Variants in LPP observed in about 807,000 individuals in gnomAD.
LPP encodes LIM domain containing preferred translocation partner in lipoma.
In LPP, 38 loss-of-function variants were observed where a neutral mutation model predicts 60.4. The ratio of observed to expected loss-of-function variants is 0.63; its 90% CI spans 0.49 to 0.83. The LOEUF (loss-of-function observed/expected upper bound fraction) is 0.83. Ranked by LOEUF, LPP falls within the 40% of genes least tolerant of loss-of-function variation. LPP has a pLI of 0.00. For missense variants in LPP, 902 were observed against 783.6 expected (o/e 1.15, Z -1.80); for synonymous variants, 328 against 290.8 (o/e 1.13, Z -1.30).
At chr3:188,471,727 G>T (rs73052744) in intron 4 of LPP, among the ~76,000 whole-genome samples, 2,488 of 152,208 alleles carry the variant, frequency 0.016, 71 homozygotes, top group African/African-American at 0.056. Flanking sequence ...CAATTATTCT[G>T]GGTCTTATTT....
chr3:188,680,997 T>C (rs1481353857), intron 7 of LPP, among the ~76,000 whole-genome samples: 3 of 147,970 alleles, frequency 2.0e-5, no homozygotes, highest in Admixed American at 6.8e-5. Flanking sequence ...GCATTTCCTT[T>C]TTTTTTTTTT....
At chr3:188,497,843 T>C (rs1032687290) in intron 5 of LPP, among the ~76,000 whole-genome samples, 16 of 152,214 alleles carry the variant, frequency 1.1e-4, no homozygotes, top group Admixed American at 2.0e-4. Context: ...AGTGTCACTT[T>C]AGTAATTCTC....
At chr3:188,827,572 T>G (rs1755912549) in intron 9 of LPP, among the ~76,000 whole-genome samples, 1 of 152,070 alleles carries the variant, frequency 6.6e-6, no homozygotes, top group Non-Finnish European at 1.5e-5. Context: ...TTGGCAGCAT[T>G]AAAGAAGTGG....
intron 4 of LPP, among the ~76,000 whole-genome samples, chr3:188,426,980 T>A (rs116326342): frequency 2.9e-4 from 44 of 152,302 alleles, no homozygotes; most frequent in African/African-American, 1.0e-3. Flanking sequence ...ATGTGTGAAT[T>A]TTTTCCTGTC....
chr3:188,597,217 G>A (rs774935180), intron 6 of LPP, among the ~76,000 whole-genome samples: 5 of 152,106 alleles, frequency 3.3e-5, no homozygotes, highest in African/African-American at 9.7e-5. Flanking sequence ...CATTTCTTAC[G>A]CCCTACAGTT....
intron 1 of LPP, among the ~76,000 whole-genome samples, chr3:188,183,038 T>A (rs1167496938): frequency 6.6e-6 from 1 of 152,082 alleles, no homozygotes; most frequent in Non-Finnish European, 1.5e-5. Flanking sequence ...CAAGGTCACA[T>A]AAATTTAATA....
At chr3:188,753,902 AT>A in intron 8 of LPP, among the ~76,000 whole-genome samples, 1 of 152,266 alleles carries the variant, frequency 6.6e-6, no homozygotes, top group Middle Eastern at 3.4e-3. Context: ...AGAATCAGAT[AT>A]ACACAAGCAC....
intron 9 of LPP, among the ~76,000 whole-genome samples, chr3:188,779,899 A>C (rs935166169): frequency 1.3e-5 from 2 of 152,070 alleles, no homozygotes; most frequent in African/African-American, 2.4e-5. Flanking sequence ...TAGTTCCTTC[A>C]TCCATTTCCA....
intron 9 of LPP, among the ~76,000 whole-genome samples, chr3:188,815,275 CTT>C (rs1752157972): frequency 6.6e-6 from 1 of 152,174 alleles, no homozygotes. Flanking sequence ...ACCTGGATAA[CTT>C]TTCTGGCATT....
At chr3:188,462,903 T>TTG (rs1799493105) in intron 4 of LPP, among the ~76,000 whole-genome samples, 2 of 151,888 alleles carry the variant, frequency 1.3e-5, no homozygotes, top group Non-Finnish European at 2.9e-5. Context: ...GGTCAGGAAT[T>TTG]TGTGACCAAC....
chr3:188,681,586 T>A (rs1364487531), intron 7 of LPP, among the ~76,000 whole-genome samples: 1 of 152,124 alleles, frequency 6.6e-6, no homozygotes, highest in Non-Finnish European at 1.5e-5. Context: ...ATTTATCAGA[T>A]TCCCTTAAGA....
intron 5 of LPP, among the ~76,000 whole-genome samples, chr3:188,500,984 T>C (rs1811667168): frequency 6.6e-6 from 1 of 152,126 alleles, no homozygotes; most frequent in Non-Finnish European, 1.5e-5. Flanking sequence ...TTTGTTGATC[T>C]TTTTTAAGAA....
chr3:188,799,376 T>C (rs746969286), intron 9 of LPP, among the ~76,000 whole-genome samples: 82 of 152,206 alleles, frequency 5.4e-4, no homozygotes, highest in Non-Finnish European at 1.0e-3. Flanking sequence ...GTTATGGACT[T>C]GTATGCTGAC....
intron 2 of LPP, among the ~76,000 whole-genome samples, chr3:188,238,892 T>C (rs1722840685): frequency 6.6e-6 from 1 of 152,168 alleles, no homozygotes; most frequent in Admixed American, 6.5e-5. Flanking sequence ...CTTCTATTTG[T>C]AAAAAACACA....
chr3:188,760,243 T>C lies in LPP; in HGVS notation c.1371T>C (p.Tyr457=), dbSNP rs767841213. 1.9e-6 allele frequency: 3 copies of C among 1,614,214 alleles called. No individual in the cohort carries two copies. The highest frequency in any genetic ancestry group is 2.5e-6 in the Non-Finnish European group (3 of 1,180,030). Residue 457 remains tyrosine (Y), a synonymous_variant, in exon 9 of 12, where the codon TAT becomes TAC. Coordinates refer to ENST00000617246, the MANE Select transcript of LPP (RefSeq NM_001375462.1). The part of the protein sequence containing the change: ...CNNKLRGQPF[Y]AVEKKAYCEP... ...ACAAGCTCCGAGGGCAGCCATTCTA[T>C]GCTGTGGAAAAGAAAGCATACTGCG...
intron 3 of LPP, among the ~76,000 whole-genome samples, chr3:188,347,123 A>G (rs988397501): frequency 3.3e-5 from 5 of 152,328 alleles, no homozygotes; most frequent in East Asian, 1.9e-4. Context: ...TAATAAATAT[A>G]AAATCTGGAT....
chr3:188,663,070 G>A (rs1405875320), intron 7 of LPP, among the ~76,000 whole-genome samples: 1 of 152,178 alleles, frequency 6.6e-6, no homozygotes, highest in African/African-American at 2.4e-5. Context: ...ACACTACAAA[G>A]TCCAAAGGGA....
chr3:188,465,350 T>C (rs953086226), intron 4 of LPP, among the ~76,000 whole-genome samples: 1 of 152,140 alleles, frequency 6.6e-6, no homozygotes, highest in African/African-American at 2.4e-5. Flanking sequence ...GTCGGAACTA[T>C]TCGGTGTTAT....
chr3:188,369,643 G>T (rs965179722), intron 3 of LPP, among the ~76,000 whole-genome samples: 2 of 152,112 alleles, frequency 1.3e-5, no homozygotes, highest in Non-Finnish European at 2.9e-5. Context: ...TTTGAGCTAG[G>T]TACTGTTTTA....
Sources: gnomAD v4.1 joint callset for allele counts (sites outside exome capture counted in the v4.1 genomes callset) on GRCh38, gnomAD v4.1.1 for gene constraint, MANE v1.5 for transcripts, NCBI Gene and HGNC (gene_info 2026-07-23, HGNC 2026-07-21) for gene names.